Variants in WWTR1 observed in about 807,000 individuals in gnomAD.
WWTR1 encodes the protein WW domain containing transcription regulator 1.
A neutral mutation model predicts 40.1 loss-of-function variants in WWTR1; 13 were observed. The ratio of observed to expected loss-of-function variants is 0.32; its 90% CI spans 0.21 to 0.52. WWTR1 has a LOEUF of 0.52. Among genes scored for constraint, WWTR1 ranks in the 20% least tolerant of loss-of-function variants. WWTR1 has a pLI of 0.97. For synonymous variants in WWTR1, 230 were observed against 210.1 expected (o/e 1.09, Z -0.82); for missense variants, 436 against 523.1 (o/e 0.83, Z 1.63).
chr3:149,646,520 T>A (rs1002158743), intron 2 of WWTR1, among the ~76,000 whole-genome samples: 10 of 152,382 alleles, frequency 6.6e-5, no homozygotes, highest in African/African-American at 2.4e-4. Context: ...TACACTGGCA[T>A]CAGTCCATGG....
intron 1 of WWTR1, among the ~76,000 whole-genome samples, chr3:149,695,999 G>C (rs1714976207): frequency 6.8e-6 from 1 of 147,898 alleles, no homozygotes; most frequent in Non-Finnish European, 1.5e-5. Flanking sequence ...TGTAGTCCCA[G>C]CTACTCGGGA....
chr3:149,657,579 A>G (rs1431946171), intron 1 of WWTR1, 186 bp downstream of exon 1: 4 of 457,844 alleles, frequency 8.7e-6, no homozygotes, highest in Non-Finnish European at 1.6e-5. Context: ...GGTGGAGGGA[A>G]TAACTGCACT....
chr3:149,610,344 A>G (rs1739677026), intron 2 of WWTR1, among the ~76,000 whole-genome samples: 1 of 152,122 alleles, frequency 6.6e-6, no homozygotes, highest in Admixed American at 6.5e-5. Flanking sequence ...TGTACAAAAC[A>G]CTCCCTTGTA....
At chr3:149,533,831 G>T (rs1455754470) in intron 4 of WWTR1, among the ~76,000 whole-genome samples, 4 of 151,916 alleles carry the variant, frequency 2.6e-5, no homozygotes, top group Admixed American at 2.6e-4. Flanking sequence ...TACTTATAAT[G>T]GACCTGGCAC....
At chr3:149,607,382 T>C (rs534244659) in intron 2 of WWTR1, among the ~76,000 whole-genome samples, 6 of 152,192 alleles carry the variant, frequency 3.9e-5, no homozygotes, top group Non-Finnish European at 7.3e-5. Flanking sequence ...TAGCGTGATA[T>C]TGGCTCACTG....
chr3:149,544,721 C>T (rs1220923499), intron 3 of WWTR1, among the ~76,000 whole-genome samples: 1 of 152,208 alleles, frequency 6.6e-6, no homozygotes, highest in Non-Finnish European at 1.5e-5. Flanking sequence ...AGAGGAACAA[C>T]TGCTGAAGCC....
At chr3:149,592,967 C>G (rs1257794536) in intron 2 of WWTR1, among the ~76,000 whole-genome samples, 2 of 152,082 alleles carry the variant, frequency 1.3e-5, no homozygotes, top group Non-Finnish European at 2.9e-5. Context: ...AAAAACACAC[C>G]AGAGATGGTA....
intron 3 of WWTR1, among the ~76,000 whole-genome samples, chr3:149,570,909 T>C (rs114090606): frequency 0.016 from 2,433 of 152,310 alleles, 31 homozygotes; most frequent in Non-Finnish European, 0.024. Context: ...CTCCAGTATT[T>C]GTATGCTAGC....
In WWTR1 at chr3:149,527,486, A is replaced by G. The variant is rs74924513; in HGVS notation, c.905+350T>C. Among the ~76,000 whole-genome samples the G allele has an allele frequency of 6.0e-3, 910 of 152,306 alleles. 4 individuals carry two copies. Among genetic ancestry groups the G allele is most frequent in the Non-Finnish European group, 0.01 (683 of 68,026 alleles). The stretch of plus-strand genomic sequence containing the variant: ...AATTGTTCTGTTCTCAATTTGCCAT[A>G]TGGCATGCTTTTATCCCCTGTTGGT... On this transcript the variant is annotated intron_variant, in intron 5 of 6. Coordinates refer to ENST00000360632, the MANE Select transcript of WWTR1 (RefSeq NM_015472.6).
chr3:149,656,282 T>C (rs1713199785), intron 2 of WWTR1, among the ~76,000 whole-genome samples: 1 of 152,234 alleles, frequency 6.6e-6, no homozygotes, highest in African/African-American at 2.4e-5. Context: ...TTCCACACGA[T>C]TGATTTGTCC....
In WWTR1 at chr3:149,689,894, TAAC is replaced by T. The variant is rs920664548; in HGVS notation, c.-108+13227_-108+13229del. On this transcript the variant is annotated intron_variant, in intron 1 of 7. Transcript: ENST00000465804. ...ACTAAAGAGATGAACCTATCAAAAATAACAACTACAATAACTTTTAAGATATAG... is the reference window on the plus strand; with the variant it reads ...ACTAAAGAGATGAACCTATCAAAAATAACTACAATAACTTTTAAGATATAG... 2.0e-5 allele frequency among the ~76,000 whole-genome samples: 3 copies of T among 151,978 alleles called. No homozygotes were observed. In the East Asian group the frequency reaches 5.8e-4, roughly 29 times the overall value.
intron 2 of WWTR1, among the ~76,000 whole-genome samples, chr3:149,668,237 G>A (rs1379176206): frequency 6.6e-6 from 1 of 152,180 alleles, no homozygotes; most frequent in Non-Finnish European, 1.5e-5. Context: ...GAAGGATGAA[G>A]TTCTTTGTCT....
At chr3:149,676,588 C>A (rs1249513037) in intron 1 of WWTR1, among the ~76,000 whole-genome samples, 2 of 152,126 alleles carry the variant, frequency 1.3e-5, no homozygotes, top group African/African-American at 2.4e-5. Flanking sequence ...CTTACAGCAA[C>A]CCTGCCTGGC....
At chr3:149,537,579 T>C (rs1735895924) in intron 4 of WWTR1, among the ~76,000 whole-genome samples, 4 of 152,240 alleles carry the variant, frequency 2.6e-5, no homozygotes. Flanking sequence ...TCGTTTTCTT[T>C]TATTATTCTT....
At chr3:149,613,582 G>A (rs1739833194) in intron 2 of WWTR1, among the ~76,000 whole-genome samples, 1 of 152,122 alleles carries the variant, frequency 6.6e-6, no homozygotes, top group Non-Finnish European at 1.5e-5. Context: ...GTCTCACTCT[G>A]TTGCCCAGGG....
chr3:149,531,197 A>G (rs1278718443), intron 4 of WWTR1, among the ~76,000 whole-genome samples: 2 of 152,210 alleles, frequency 1.3e-5, no homozygotes, highest in Admixed American at 1.3e-4. Flanking sequence ...GGCCTCCCAA[A>G]GTGCTGGGAT....
intron 2 of WWTR1, among the ~76,000 whole-genome samples, chr3:149,618,962 T>C (rs919677373): frequency 1.3e-5 from 2 of 152,162 alleles, no homozygotes; most frequent in African/African-American, 4.8e-5. Context: ...CCAGAGACGT[T>C]CAACCCAGAG....
At chr3:149,592,681 TA>T (rs1178456977) in intron 2 of WWTR1, among the ~76,000 whole-genome samples, 1 of 152,224 alleles carries the variant, frequency 6.6e-6, no homozygotes, top group Non-Finnish European at 1.5e-5. Flanking sequence ...CTTGTGTTTT[TA>T]AAAAGTGACC....
At chr3:149,601,986 T>C (rs758904113) in intron 2 of WWTR1, among the ~76,000 whole-genome samples, 10 of 152,164 alleles carry the variant, frequency 6.6e-5, no homozygotes, top group Non-Finnish European at 1.2e-4. Flanking sequence ...ACACTAGTGG[T>C]TGTGGAAAGT....
Sources: gnomAD v4.1 joint callset for allele counts (sites outside exome capture counted in the v4.1 genomes callset) on GRCh38, gnomAD v4.1.1 for gene constraint, MANE v1.5 for transcripts, NCBI Gene and HGNC (gene_info 2026-07-23, HGNC 2026-07-21) for gene names.